The following EXT2 variants were observed in gnomAD, a reference collection of about 807,000 sequenced individuals.
EXT2 encodes the protein exostosin glycosyltransferase 2.
A neutral mutation model predicts 81.6 loss-of-function variants in EXT2; 53 were observed. That is an observed-to-expected ratio of 0.65 (90% CI 0.52 to 0.82). The LOEUF (loss-of-function observed/expected upper bound fraction) is 0.82, where lower values mean the gene tolerates loss of function less well. EXT2 is among the 40% of genes least tolerant of loss of function. The pLI, the probability that EXT2 is intolerant of heterozygous loss-of-function variation, is 0.00. For missense variants in EXT2, 774 were observed against 910.2 expected (o/e 0.85, Z 1.93); for synonymous variants, 320 against 340.0 (o/e 0.94, Z 0.65).
intron 9 of EXT2, among the ~76,000 whole-genome samples, chr11:44,199,051 T>C (rs995438071): frequency 6.6e-6 from 1 of 152,224 alleles, no homozygotes; most frequent in Non-Finnish European, 1.5e-5. Context: ...AGCCACAGTT[T>C]GAGTAAATAA....
At chr11:44,205,493 C>T (rs2135201170) in intron 9 of EXT2, among the ~76,000 whole-genome samples, 1 of 152,354 alleles carries the variant, frequency 6.6e-6, no homozygotes, top group African/African-American at 2.4e-5. Context: ...TCCCCAAACA[C>T]ACTTTTTGGA....
chr11:44,118,361 C>T (rs1373220673), intron 4 of EXT2, among the ~76,000 whole-genome samples: 1 of 152,030 alleles, frequency 6.6e-6, no homozygotes, highest in Non-Finnish European at 1.5e-5. Context: ...CATTTATCTT[C>T]ATATGGTACA....
In EXT2 at chr11:44,249,409, C is replaced by T. The variant is rs1050714141; in HGVS notation, c.*5122C>T. 1.8e-4 allele frequency among the ~76,000 whole-genome samples: 28 copies of T among 152,194 alleles called. No homozygotes were observed. Among genetic ancestry groups the T allele is most frequent in the Admixed American group, 9.2e-4 (14 of 15,286 alleles). ...CTATCAGACAGAAGACAAGGTAGTTCTCAAGAAGTACCAGGCAGCTGTGTC... is the reference window on the plus strand; with the variant it reads ...CTATCAGACAGAAGACAAGGTAGTTTTCAAGAAGTACCAGGCAGCTGTGTC... On this transcript the variant is annotated 3_prime_UTR_variant, in exon 14 of 14. Coordinates refer to ENST00000533608, the MANE Select transcript of EXT2 (RefSeq NM_207122.2).
At chr11:44,111,331 G>A (rs929187514) in intron 3 of EXT2, among the ~76,000 whole-genome samples, 2 of 152,000 alleles carry the variant, frequency 1.3e-5, no homozygotes, top group Non-Finnish European at 1.5e-5. Context: ...AGAGTAAAAC[G>A]TAAAAACCTG....
At chr11:44,193,604 A>G (rs1015590389) in intron 8 of EXT2, among the ~76,000 whole-genome samples, 3 of 152,228 alleles carry the variant, frequency 2.0e-5, no homozygotes, top group African/African-American at 7.2e-5. Context: ...ATGCTAACTC[A>G]ATTTTGAAGC....
In EXT2 at chr11:44,139,136, G is replaced by A. The variant is rs981326493; in HGVS notation, c.1173+8998G>A. On this transcript the variant is annotated intron_variant, in intron 7 of 13. Transcript: ENST00000533608. Reference sequence around the variant, plus strand: ...CTCTCTCTCCTTTTTTTTTTTTTGCGTGTGTGTGTGAGGATCAGAATGACT... The same window carrying A: ...CTCTCTCTCCTTTTTTTTTTTTTGCATGTGTGTGTGAGGATCAGAATGACT... 3.9e-4 allele frequency among the ~76,000 whole-genome samples: 54 copies of A among 137,094 alleles called. 1 individual carries two copies. Among genetic ancestry groups the A allele is most frequent in the Admixed American group, 2.2e-3 (31 of 13,938 alleles). The allele number at this position is 137,094 out of a possible 152,430, so 89.9% of individuals were successfully genotyped here. A position where few individuals can be genotyped will look rare whatever the true frequency, so the allele number is the denominator to read the frequency against.
Position 44,108,265 on chromosome 11 carries a change from C to A in EXT2, c.536+17C>A, listed in dbSNP as rs773843696. The A allele has an allele frequency of 6.2e-7, 1 of 1,608,824 alleles. No homozygotes were observed. Among genetic ancestry groups the A allele is most frequent in the Admixed American group, 1.7e-5 (1 of 59,990 alleles). ...GCTCTCTAGGTATCTCACACTCATA[C>A]AGCCCAGCCCCCAGGAGATACTTGA... On this transcript the variant is annotated intron_variant, in intron 2 of 13. Coordinates refer to ENST00000533608, the MANE Select transcript of EXT2 (RefSeq NM_207122.2).
chr11:44,106,706 C>T (rs370726497), intron 1 of EXT2, among the ~76,000 whole-genome samples: 6 of 152,236 alleles, frequency 3.9e-5, no homozygotes, highest in South Asian at 2.1e-4. Context: ...CTCGGCTCAC[C>T]GCAACCTCCA....
At chr11:44,096,171 C>G (rs887573884) in intron 1 of EXT2, 1 of 1,328,060 alleles carries the variant, frequency 7.5e-7, no homozygotes, top group Non-Finnish European at 1.0e-6. Context: ...TCCTGCGACC[C>G]GCCCTCCGCC....
chr11:44,243,355 G>A (rs958785756), intron 13 of EXT2, among the ~76,000 whole-genome samples: 1 of 152,190 alleles, frequency 6.6e-6, no homozygotes, highest in African/African-American at 2.4e-5. Context: ...GCTGACTTTG[G>A]GGGTGAGGTG....
intron 3 of EXT2, 80 bp from the exon 4 acceptor site, chr11:44,114,105 T>C: frequency 1.9e-5 from 23 of 1,234,732 alleles, no homozygotes; most frequent in Non-Finnish European, 2.5e-5. Flanking sequence ...AAAGACTCAG[T>C]AATTCCTGTT....
intron 7 of EXT2, among the ~76,000 whole-genome samples, chr11:44,156,888 G>A (rs1954862559): frequency 6.6e-6 from 1 of 152,194 alleles, no homozygotes; most frequent in Non-Finnish European, 1.5e-5. Flanking sequence ...CGTATTCAAA[G>A]GAAATTGAGT....
intron 11 of EXT2, among the ~76,000 whole-genome samples, chr11:44,233,141 A>G (rs1464124088): frequency 6.6e-6 from 1 of 152,148 alleles, no homozygotes; most frequent in Non-Finnish European, 1.5e-5. Context: ...ATACATGTAT[A>G]TATACACATA....
intron 8 of EXT2, among the ~76,000 whole-genome samples, chr11:44,178,365 TC>T (rs1277985014): frequency 6.6e-6 from 1 of 152,206 alleles, no homozygotes; most frequent in Admixed American, 6.5e-5. Flanking sequence ...CCTAACTCAC[TC>T]CCTGGAGAAG....
chr11:44,202,566 G>C (rs1955534114), intron 9 of EXT2, among the ~76,000 whole-genome samples: 2 of 152,194 alleles, frequency 1.3e-5, no homozygotes, highest in South Asian at 4.1e-4. Flanking sequence ...ATACCACTGG[G>C]TTGTCAGGGT....
chr11:44,202,072 G>A (rs116589067), intron 9 of EXT2, among the ~76,000 whole-genome samples: 33 of 152,278 alleles, frequency 2.2e-4, no homozygotes, highest in Admixed American at 4.6e-4. Flanking sequence ...TGCCAAAGCC[G>A]ACTTTTGGCT....
chr11:44,197,697 G>A, intron 8 of EXT2, 132 bp from the exon 9 acceptor site: 3 of 857,316 alleles, frequency 3.5e-6, no homozygotes, highest in Non-Finnish European at 3.8e-6. Flanking sequence ...AAGACTTTGA[G>A]CAGTTGCTTA....
intron 9 of EXT2, among the ~76,000 whole-genome samples, chr11:44,200,132 A>G (rs1955505166): frequency 1.3e-5 from 2 of 151,596 alleles, no homozygotes; most frequent in South Asian, 2.1e-4. Flanking sequence ...CACGTACAGC[A>G]TTAGTAACAT....
intron 4 of EXT2, among the ~76,000 whole-genome samples, chr11:44,119,175 T>TAC (rs151028121): frequency 1.7e-4 from 18 of 105,744 alleles, no homozygotes; most frequent in East Asian, 1.1e-3. Context: ...TATATACACA[T>TAC]ACACACACAC....
Sources: gnomAD v4.1 joint callset for allele counts (sites outside exome capture counted in the v4.1 genomes callset) on GRCh38, gnomAD v4.1.1 for gene constraint, MANE v1.5 for transcripts, NCBI Gene and HGNC (gene_info 2026-07-23, HGNC 2026-07-21) for gene names.